The following ZNF503 variants were observed in gnomAD, a reference collection of about 807,000 sequenced individuals.
ZNF503 encodes NocA-like zinc finger 2.
Under a neutral mutation model 34.4 loss-of-function variants are expected in ZNF503, and 15 were observed. That is an observed-to-expected ratio of 0.44 (90% confidence interval 0.29 to 0.67). The LOEUF (loss-of-function observed/expected upper bound fraction) is 0.67, where lower values mean the gene tolerates loss of function less well. Ranked by LOEUF, ZNF503 falls within the 30% of genes least tolerant of loss-of-function variation. The pLI, the probability that ZNF503 is intolerant of heterozygous loss-of-function variation, is 0.13. For synonymous variants in ZNF503, 580 were observed against 456.8 expected (o/e 1.27, Z -3.44); for missense variants, 1,007 against 926.8 (o/e 1.09, Z -1.12).
At position 75,399,940 on chromosome 10, in the gene ZNF503, C is replaced by T. The variant is rs775111479; in HGVS notation, c.750G>A (p.Glu250=). ...CGGTGTCTTTCTTGTCGTCCTTGCC[C>T]TCCGGGGCACCCCCGGCCGAGGACA... ...GMLSSAGGAP[E]GKDDKKDTDV... Residue 250 remains glutamate, a synonymous_variant, in exon 2 of 2, where the codon GAG becomes GAA. Coordinates refer to ENST00000372524, the MANE Select transcript of ZNF503 (RefSeq NM_032772.6). The T allele has an allele frequency of 1.9e-6, 3 of 1,606,342 alleles. No individual in the cohort carries two copies. The highest frequency in any genetic ancestry group is 2.5e-6 in the Non-Finnish European group (3 of 1,179,394).
the ZNF503 span, among the ~76,000 whole-genome samples, chr10:75,352,305 G>A: frequency 1.3e-5 from 2 of 152,134 alleles, no homozygotes; most frequent in East Asian, 1.9e-4. Flanking sequence ...TCTGCCTCAT[G>A]GGATTTTCAA....
chr10:75,287,873 T>A, the ZNF503 span, among the ~76,000 whole-genome samples: 3 of 152,228 alleles, frequency 2.0e-5, no homozygotes, highest in Admixed American at 2.0e-4. Flanking sequence ...GTTGTCCAAG[T>A]TGGGGACATG....
the ZNF503 span, among the ~76,000 whole-genome samples, chr10:75,380,817 T>C: frequency 0.013 from 2,010 of 152,238 alleles, 48 homozygotes; most frequent in African/African-American, 0.045. Flanking sequence ...TAATATTGTT[T>C]CAAAGTTCCA....
At chr10:75,313,974 A>G in the ZNF503 span, among the ~76,000 whole-genome samples, 4 of 152,346 alleles carry the variant, frequency 2.6e-5, no homozygotes, top group Non-Finnish European at 5.9e-5. Flanking sequence ...CAGCCGGTAG[A>G]GTGGAGGCTT....
chr10:75,390,039 C>T, the ZNF503 span, among the ~76,000 whole-genome samples: 13 of 151,310 alleles, frequency 8.6e-5, no homozygotes, highest in Admixed American at 2.0e-4. Context: ...ACTACAGGCA[C>T]CCCCCCACCA....
At chr10:75,363,920 A>G in the ZNF503 span, among the ~76,000 whole-genome samples, 1 of 152,226 alleles carries the variant, frequency 6.6e-6, no homozygotes, top group African/African-American at 2.4e-5. Context: ...CCATTCATGC[A>G]GCCATACTGT....
chr10:75,291,815 A>G, the ZNF503 span, among the ~76,000 whole-genome samples: 1 of 152,176 alleles, frequency 6.6e-6, no homozygotes, highest in Non-Finnish European at 1.5e-5. Context: ...TCTGAGATTA[A>G]AATGTGTCTG....
At chr10:75,342,633 G>C in the ZNF503 span, among the ~76,000 whole-genome samples, 673 of 148,028 alleles carry the variant, frequency 4.5e-3, 3 homozygotes, top group African/African-American at 0.016. Context: ...TGACACTGGG[G>C]ATAGTTCTCA....
chr10:75,392,200 G>A, the ZNF503 span, among the ~76,000 whole-genome samples: 2 of 152,280 alleles, frequency 1.3e-5, no homozygotes, highest in Non-Finnish European at 2.9e-5. Context: ...TGCAGTTCAT[G>A]CTACTTTTTA....
the ZNF503 span, among the ~76,000 whole-genome samples, chr10:75,300,337 C>A: frequency 6.6e-6 from 1 of 152,174 alleles, no homozygotes; most frequent in Non-Finnish European, 1.5e-5. Flanking sequence ...GCCCAGATTT[C>A]ATATTGTTCA....
chr10:75,287,561 C>T, the ZNF503 span, among the ~76,000 whole-genome samples: 1 of 152,130 alleles, frequency 6.6e-6, no homozygotes, highest in Non-Finnish European at 1.5e-5. Flanking sequence ...CCCTCCCATA[C>T]CTACTTACCA....
At chr10:75,331,393 C>T in the ZNF503 span, among the ~76,000 whole-genome samples, 7 of 152,184 alleles carry the variant, frequency 4.6e-5, no homozygotes, top group Admixed American at 6.5e-5. Context: ...ATGCTAAGTG[C>T]GGGATGTTGA....
At chr10:75,333,143 C>T in the ZNF503 span, among the ~76,000 whole-genome samples, 22 of 135,314 alleles carry the variant, frequency 1.6e-4, no homozygotes, top group South Asian at 2.5e-4. Context: ...GGCGGCTGGC[C>T]GGGCAGAGGG....
the ZNF503 span, among the ~76,000 whole-genome samples, chr10:75,281,084 C>T: frequency 6.6e-6 from 1 of 152,124 alleles, no homozygotes; most frequent in Non-Finnish European, 1.5e-5. Flanking sequence ...GACTAGAATG[C>T]ATTGAAACTG....
downstream of ZNF503, among the ~76,000 whole-genome samples, chr10:75,396,831 T>G (rs1048765758): frequency 3.3e-5 from 5 of 152,094 alleles, no homozygotes; most frequent in Admixed American, 1.3e-4. The surrounding 1 kb of genome is among the most constrained non-coding windows in gnomAD (Gnocchi z 4.4). Context: ...GCGCTGGGTC[T>G]CGGCCCCCCT....
chr10:75,380,928 G>A, the ZNF503 span, among the ~76,000 whole-genome samples: 2 of 152,134 alleles, frequency 1.3e-5, no homozygotes, highest in South Asian at 2.1e-4. Context: ...TACAGACCTC[G>A]AATTGCATCA....
chr10:75,349,320 T>C, the ZNF503 span, among the ~76,000 whole-genome samples: 1 of 152,222 alleles, frequency 6.6e-6, no homozygotes, highest in Non-Finnish European at 1.5e-5. Flanking sequence ...TTTTATGACA[T>C]TGACATTTTT....
At chr10:75,314,677 G>A in the ZNF503 span, among the ~76,000 whole-genome samples, 4 of 152,280 alleles carry the variant, frequency 2.6e-5, no homozygotes, top group Admixed American at 6.5e-5. Flanking sequence ...GGAGAGATAC[G>A]TACATCAATG....
chr10:75,379,381 G>C, the ZNF503 span, among the ~76,000 whole-genome samples: 1 of 152,182 alleles, frequency 6.6e-6, no homozygotes, highest in Admixed American at 6.5e-5. Flanking sequence ...ATTTACTTCG[G>C]ATGGATAATA....
Sources: gnomAD v4.1 joint callset for allele counts (sites outside exome capture counted in the v4.1 genomes callset) on GRCh38, gnomAD v4.1.1 for gene constraint, Gnocchi (gnomAD v3.1) non-coding constraint, MANE v1.5 for transcripts, NCBI Gene and HGNC (gene_info 2026-07-23, HGNC 2026-07-21) for gene names.